STYK1: variants seen among roughly 807,000 people sequenced by gnomAD.
STYK1 encodes tyrosine-protein kinase STYK1.
Under a neutral mutation model 48.1 loss-of-function variants are expected in STYK1, and 46 were observed. That is an observed-to-expected ratio of 0.96 (90% CI 0.75 to 1.22). The LOEUF is 1.22. Ranked by LOEUF, STYK1 falls within the 50% of genes most tolerant of loss-of-function variation. STYK1 has a pLI of 0.00. For synonymous variants in STYK1, 188 were observed against 189.0 expected (o/e 0.99, Z 0.04); for missense variants, 527 against 521.1 (o/e 1.01, Z -0.11).
At position 10,633,579 on chromosome 12, in the gene STYK1, T is replaced by C. The variant is rs987936016; in HGVS notation, c.187+411A>G. 6.6e-5 allele frequency among the ~76,000 whole-genome samples: 10 copies of C among 152,310 alleles called. No homozygotes were observed. In the East Asian group the frequency reaches 1.9e-3, roughly 29 times the overall value. On this transcript the variant is annotated intron_variant, in intron 4 of 10. Transcript: ENST00000075503. ...ACTGTTATAATATAAAGGCCCCTCC[T>C]TTCCATCATATATCCTGGAGGCAAA...
At position 10,630,184 on chromosome 12, in the gene STYK1, G is replaced by A. The variant is rs144076821; in HGVS notation, c.452-510C>T. ...GTGGATCACCTGAGGTCAGGAGTTC[G>A]AGACTGGCCTGGCCAATATGGTGAA... On this transcript the variant is annotated intron_variant, in intron 5 of 10. Coordinates refer to ENST00000075503, the MANE Select transcript of STYK1 (RefSeq NM_018423.3). 4.0e-5 allele frequency among the ~76,000 whole-genome samples: 6 copies of A among 151,712 alleles called. No homozygotes were observed. In the East Asian group the frequency reaches 1.2e-3, roughly 30 times the overall value.
chr12:10,624,520 G>T, intron 8 of STYK1, 131 bp downstream of exon 8: 1 of 797,970 alleles, frequency 1.3e-6, no homozygotes, highest in Non-Finnish European at 2.1e-6. Context: ...TAACATTTCT[G>T]CTTGAGAGTA....
At chr12:10,623,339 T>C (rs534099662) in intron 8 of STYK1, among the ~76,000 whole-genome samples, 2 of 152,334 alleles carry the variant, frequency 1.3e-5, no homozygotes, top group South Asian at 4.1e-4. Context: ...CATAACTGAC[T>C]CATCATATTA....
chr12:10,632,201 T>TAAA (rs56187392), intron 4 of STYK1, among the ~76,000 whole-genome samples: 2 of 146,760 alleles, frequency 1.4e-5, no homozygotes, highest in African/African-American at 2.5e-5. Context: ...TCCATCTCTT[T>TAAA]AAAAAAAAAA....
chr12:10,654,062 T>G (rs530003464), intron 1 of STYK1, among the ~76,000 whole-genome samples: 2 of 152,180 alleles, frequency 1.3e-5, no homozygotes, highest in Non-Finnish European at 2.9e-5. Flanking sequence ...GAAAGTGACC[T>G]CTGGTCATCC....
At chr12:10,620,746 T>C (rs1427619867) in intron 10 of STYK1, among the ~76,000 whole-genome samples, 9 of 152,192 alleles carry the variant, frequency 5.9e-5, no homozygotes, top group Non-Finnish European at 4.4e-5. Context: ...CTGCATACTT[T>C]AGGTTGATTT....
chr12:10,634,192 C>T, intron 3 of STYK1, 68 bp from the exon 4 acceptor site: 1 of 1,553,790 alleles, frequency 6.4e-7, no homozygotes, highest in East Asian at 2.2e-5. Flanking sequence ...TGCAATTTCC[C>T]CTACCCGCCA....
At chr12:10,645,229 T>C (rs1266973366) in intron 1 of STYK1, among the ~76,000 whole-genome samples, 1 of 152,118 alleles carries the variant, frequency 6.6e-6, no homozygotes, top group Non-Finnish European at 1.5e-5. Context: ...ATAGAAAGAA[T>C]AGCTATAGTG....
Position 10,626,687 on chromosome 12 carries a change from T to G in STYK1, c.717+954A>C, listed in dbSNP as rs150007691. Among the ~76,000 whole-genome samples the G allele has an allele frequency of 8.8e-3, 1,336 of 152,324 alleles. 16 individuals are homozygous for G. Among genetic ancestry groups the G allele is most frequent in the African/African-American group, 0.03 (1,264 of 41,576 alleles). ...AAGGTAAATTTTTTATCTTAAACCC[T>G]GAGTTCTTTCTCTTATCTCGTTATT... On this transcript the variant is annotated intron_variant, in intron 7 of 10. Transcript: ENST00000075503.
At chr12:10,627,532 CT>C in intron 7 of STYK1, 108 bp downstream of exon 7, 1 of 1,012,772 alleles carries the variant, frequency 9.9e-7, no homozygotes, top group South Asian at 1.8e-5. Context: ...ATCTAATTTT[CT>C]TTAAAACATA....
intron 1 of STYK1, among the ~76,000 whole-genome samples, chr12:10,658,974 G>T (rs915527370): frequency 6.6e-6 from 1 of 152,090 alleles, no homozygotes. Context: ...CTCTTTTAAA[G>T]GTGCCTTATA....
intron 1 of STYK1, among the ~76,000 whole-genome samples, chr12:10,664,410 C>T (rs1051460165): frequency 2.6e-5 from 4 of 152,172 alleles, no homozygotes; most frequent in Non-Finnish European, 5.9e-5. Context: ...TAGTAAAAGT[C>T]CACAAAGATG....
Position 10,619,963 on chromosome 12 carries a change from T to G in STYK1, c.*181A>C. On this transcript the variant is annotated 3_prime_UTR_variant, in exon 11 of 11. Transcript: ENST00000075503. ...AGTGAGACTGACAGTATGTCTTAGC[T>G]CAGGATGTGTAGAGTCCCATCCAGC... The G allele has an allele frequency of 1.5e-6, 1 of 674,668 alleles. No homozygotes were observed. The highest frequency in any genetic ancestry group is 2.5e-6 in the Non-Finnish European group (1 of 395,942). The allele number at this position is 674,668 out of a possible 1,614,324, so 41.8% of individuals were successfully genotyped here. A position where few individuals can be genotyped will look rare whatever the true frequency, so the allele number is the denominator to read the frequency against.
At chr12:10,630,385 C>CAAAAAAA (rs35704937) in intron 5 of STYK1, among the ~76,000 whole-genome samples, 49 of 48,566 alleles carry the variant, frequency 1.0e-3, no homozygotes, top group Admixed American at 1.6e-3. Flanking sequence ...CACTCTGTCT[C>CAAAAAAA]AAAAAAAAAA....
At chr12:10,666,050 T>C (rs1339264296) in intron 1 of STYK1, among the ~76,000 whole-genome samples, 1 of 152,240 alleles carries the variant, frequency 6.6e-6, no homozygotes, top group Non-Finnish European at 1.5e-5. Flanking sequence ...ATTCTACCAC[T>C]AAACAAGTCC....
chr12:10,641,450 T>C (rs1170153449), intron 1 of STYK1, among the ~76,000 whole-genome samples: 3 of 152,350 alleles, frequency 2.0e-5, no homozygotes, highest in Admixed American at 6.5e-5. Context: ...TTTTGTTTTC[T>C]GGCCACTCTT....
At chr12:10,623,623 T>G (rs1479741328) in intron 8 of STYK1, among the ~76,000 whole-genome samples, 3 of 152,142 alleles carry the variant, frequency 2.0e-5, no homozygotes, top group Admixed American at 6.5e-5. Context: ...GAAAACTAAG[T>G]TGAATGTTTT....
At chr12:10,645,105 T>G (rs1266958090) in intron 1 of STYK1, among the ~76,000 whole-genome samples, 1 of 152,020 alleles carries the variant, frequency 6.6e-6, no homozygotes, top group Non-Finnish European at 1.5e-5. Flanking sequence ...AACCAAGAGT[T>G]TGTGCTGTTG....
At chr12:10,626,462 C>A (rs1297964544) in intron 7 of STYK1, among the ~76,000 whole-genome samples, 1 of 152,156 alleles carries the variant, frequency 6.6e-6, no homozygotes, top group Admixed American at 6.5e-5. Flanking sequence ...TCTTTACCCA[C>A]CTTAATCCTT....
Sources: gnomAD v4.1 joint callset for allele counts (sites outside exome capture counted in the v4.1 genomes callset) on GRCh38, gnomAD v4.1.1 for gene constraint, MANE v1.5 for transcripts, NCBI Gene and HGNC (gene_info 2026-07-23, HGNC 2026-07-21) for gene names.